Variants in SNX16 observed in about 807,000 individuals in gnomAD.
The protein encoded by SNX16 is sorting nexin-16.
In SNX16, 35 loss-of-function variants were observed where a neutral mutation model predicts 36.7. That is an observed-to-expected ratio of 0.95 (90% CI 0.73 to 1.27). SNX16 has a LOEUF of 1.27. Among genes scored for constraint, SNX16 ranks in the 50% most tolerant of loss-of-function variants. The probability of loss-of-function intolerance (pLI) is 0.00; values close to 1 mark genes in which losing one functional copy is unlikely to be tolerated. For missense variants in SNX16, 367 were observed against 393.6 expected (o/e 0.93, Z 0.57); for synonymous variants, 134 against 132.0 (o/e 1.02, Z -0.10).
chr8:81,829,070 G>A (rs1811133085), intron 3 of SNX16, among the ~76,000 whole-genome samples: 1 of 152,108 alleles, frequency 6.6e-6, no homozygotes, highest in African/African-American at 2.4e-5. Flanking sequence ...ATAAACAGGT[G>A]TTAATTTAAG....
In SNX16 at chr8:81,839,960, A is replaced by G. The variant is rs947109654; in HGVS notation, c.27T>C (p.Pro9=). The G allele has an allele frequency of 3.7e-6, 6 of 1,612,826 alleles. No homozygotes were observed. The African/African-American group carries it at 6.7e-5, about 18-fold the overall frequency. Residue 9 remains proline (P), a synonymous_variant, in exon 2 of 8, where the codon CCT becomes CCC. Transcript: ENST00000345957. MATPYVPV[P]MPIGNSASSF... ...TGGAAGCAGAGTTTCCTATGGGCATAGGAACTGGGACATAAGGAGTTGCCA... is the reference window on the plus strand; with the variant it reads ...TGGAAGCAGAGTTTCCTATGGGCATGGGAACTGGGACATAAGGAGTTGCCA...
chr8:81,841,168 C>T (rs1003939644), intron 1 of SNX16, among the ~76,000 whole-genome samples: 8 of 152,106 alleles, frequency 5.3e-5, no homozygotes, highest in African/African-American at 1.9e-4. Flanking sequence ...TGGTGAAACC[C>T]CGTCTCTACT....
At chr8:81,838,046 G>C (rs1317809042) in intron 2 of SNX16, among the ~76,000 whole-genome samples, 1 of 152,152 alleles carries the variant, frequency 6.6e-6, no homozygotes, top group Non-Finnish European at 1.5e-5. Flanking sequence ...GTTAATAAGA[G>C]AGTTGAGCAA....
At chr8:81,803,380 C>T (rs183312343) in intron 5 of SNX16, 152 bp from the exon 6 acceptor site, 1 of 831,222 alleles carries the variant, frequency 1.2e-6, no homozygotes, top group East Asian at 2.8e-5. Context: ...TTGTTCTCTA[C>T]CCTCATCTTT....
rs142723187 is a variant in SNX16, at chr8:81,803,518, G to T, written c.682-290C>A. On this transcript the variant is annotated intron_variant, in intron 5 of 7. Transcript: ENST00000345957. ...GAGTATGTGATATCCCTCTAGTGTA[G>T]AACTGGGATAAAAAATAATTGGCAA... Among the ~76,000 whole-genome samples the T allele has an allele frequency of 8.7e-3, 1,327 of 152,018 alleles. 9 individuals carry two copies. Among genetic ancestry groups the T allele is most frequent in the Non-Finnish European group, 0.013 (907 of 67,816 alleles).
At chr8:81,840,271 C>T in intron 1 of SNX16, 189 bp from the exon 2 acceptor site, 2 of 271,370 alleles carry the variant, frequency 7.4e-6, no homozygotes, top group Non-Finnish European at 1.4e-5. Context: ...ACTTCACACT[C>T]TTTTTCCTTG....
chr8:81,815,594 C>T (rs1810445599), intron 4 of SNX16, 200 bp from the exon 5 acceptor site: 2 of 435,294 alleles, frequency 4.6e-6, no homozygotes, highest in African/African-American at 2.0e-5. Context: ...ACATAAATAT[C>T]ACAAATTTAT....
At chr8:81,801,913 C>G (rs1809715829) in intron 7 of SNX16, among the ~76,000 whole-genome samples, 1 of 151,628 alleles carries the variant, frequency 6.6e-6, no homozygotes, top group Non-Finnish European at 1.5e-5. Flanking sequence ...TACCACTAAA[C>G]TATTAACAAT....
intron 5 of SNX16, among the ~76,000 whole-genome samples, chr8:81,814,123 T>C (rs1444594790): frequency 6.6e-6 from 1 of 152,054 alleles, no homozygotes; most frequent in Non-Finnish European, 1.5e-5. Context: ...TTATATGAAA[T>C]TGTTCATAGC....
intron 5 of SNX16, among the ~76,000 whole-genome samples, chr8:81,806,869 C>A (rs1262668060): frequency 6.6e-6 from 1 of 151,088 alleles, no homozygotes; most frequent in Non-Finnish European, 1.5e-5. Flanking sequence ...AATAAAAATA[C>A]CAATTATTTC....
intron 4 of SNX16, among the ~76,000 whole-genome samples, chr8:81,820,006 CAATT>C (rs2130686979): frequency 6.6e-6 from 1 of 152,148 alleles, no homozygotes; most frequent in African/African-American, 2.4e-5. Flanking sequence ...AATTAATAAA[CAATT>C]AATATGAATG....
chr8:81,836,277 C>G (rs953468757), intron 2 of SNX16, among the ~76,000 whole-genome samples: 1 of 152,112 alleles, frequency 6.6e-6, no homozygotes, highest in South Asian at 2.1e-4. Context: ...GTTATGAGAG[C>G]AATTCAAAAG....
At chr8:81,814,588 A>T (rs1203073421) in intron 5 of SNX16, 1 of 152,102 alleles carries the variant, frequency 6.6e-6, no homozygotes, top group East Asian at 1.9e-4. Flanking sequence ...CCAAAAAAGT[A>T]TTAAATTGTA....
chr8:81,828,043 T>A (rs567356948), intron 3 of SNX16, among the ~76,000 whole-genome samples: 45 of 152,328 alleles, frequency 3.0e-4, no homozygotes, highest in African/African-American at 1.1e-3. Flanking sequence ...AAGGCAGCTC[T>A]TCTTTTGCTA....
chr8:81,833,955 CAA>C (rs1403548991), intron 2 of SNX16, among the ~76,000 whole-genome samples: 1 of 152,018 alleles, frequency 6.6e-6, no homozygotes, highest in Non-Finnish European at 1.5e-5. Context: ...AAAATATATA[CAA>C]AAAGTGTGCA....
At chr8:81,819,389 C>A (rs923440595) in intron 4 of SNX16, among the ~76,000 whole-genome samples, 3 of 152,068 alleles carry the variant, frequency 2.0e-5, no homozygotes, top group Non-Finnish European at 4.4e-5. Flanking sequence ...GGTACAAGAC[C>A]TGTACCTTCT....
chr8:81,808,153 T>G, intron 5 of SNX16: 2 of 1,275,530 alleles, frequency 1.6e-6, no homozygotes, highest in Non-Finnish European at 2.3e-6. Flanking sequence ...TTTTGAACAG[T>G]GTGGAAAAAT....
At chr8:81,804,819 T>C (rs1809859540) in intron 5 of SNX16, among the ~76,000 whole-genome samples, 2 of 152,046 alleles carry the variant, frequency 1.3e-5, no homozygotes, top group South Asian at 4.1e-4. Context: ...CAGTTCAAGG[T>C]GATAAACATT....
At chr8:81,837,181 TTTAC>T (rs1294039847) in intron 2 of SNX16, among the ~76,000 whole-genome samples, 2 of 152,370 alleles carry the variant, frequency 1.3e-5, no homozygotes, top group East Asian at 1.9e-4. Context: ...CGTCTTATTA[TTTAC>T]TTACTTATCA....
Sources: allele counts gnomAD v4.1 joint callset (sites outside exome capture counted in the v4.1 genomes callset), GRCh38; gene constraint gnomAD v4.1.1; transcripts MANE v1.5; gene names NCBI Gene and HGNC (gene_info 2026-07-23, HGNC 2026-07-21).